Variants in NEO1 observed in about 807,000 individuals in gnomAD.
The protein encoded by NEO1 is neogenin.
In NEO1, 63 loss-of-function variants were observed where a neutral mutation model predicts 159.7. The ratio of observed to expected loss-of-function variants is 0.39; its 90% CI spans 0.32 to 0.49. The LOEUF (loss-of-function observed/expected upper bound fraction) is 0.49, where lower values mean the gene tolerates loss of function less well. Ranked by LOEUF, NEO1 falls within the 20% of genes least tolerant of loss-of-function variation. The pLI is 0.85. For synonymous variants in NEO1, 633 were observed against 662.0 expected, an observed-to-expected ratio of 0.96 and a Z score of 0.67; for missense variants, 1,615 against 1,831.0, an observed-to-expected ratio of 0.88 and a Z score of 2.15.
Position 73,065,758 on chromosome 15 carries a change from C to T in NEO1, c.130+12953C>T, listed in dbSNP as rs977517436. 2.0e-5 allele frequency among the ~76,000 whole-genome samples: 3 copies of T among 152,202 alleles called. No homozygotes were observed. The South Asian group carries it at 6.2e-4, about 32-fold the overall frequency. ...TCACTTTCATCACTTTTGGAGAGTT[C>T]TTGGCTTGGCTGTTAATCCCTTCAA... is the stretch of plus-strand genomic sequence containing the variant. On this transcript the variant is annotated intron_variant, in intron 1 of 28. Coordinates refer to ENST00000261908, the MANE Select transcript of NEO1 (RefSeq NM_002499.4).
intron 1 of NEO1, among the ~76,000 whole-genome samples, chr15:73,057,061 A>G (rs952626452): frequency 1.3e-5 from 2 of 152,200 alleles, no homozygotes; most frequent in African/African-American, 4.8e-5. Context: ...GCAACTTCAC[A>G]TACATCTGTA....
intron 1 of NEO1, among the ~76,000 whole-genome samples, chr15:73,060,818 T>C (rs2067940316): frequency 6.8e-6 from 1 of 147,528 alleles, no homozygotes; most frequent in African/African-American, 2.4e-5. Flanking sequence ...AGCTAATTTT[T>C]TTGGGTATTT....
chr15:73,284,706 C>T (rs185991521), intron 23 of NEO1, among the ~76,000 whole-genome samples: 273 of 152,044 alleles, frequency 1.8e-3, no homozygotes, highest in Non-Finnish European at 3.4e-3. Context: ...CTGCCTCAGG[C>T]TCCCAAGTAG....
At chr15:73,232,272 C>G (rs1027082523) in intron 7 of NEO1, among the ~76,000 whole-genome samples, 15 of 152,114 alleles carry the variant, frequency 9.9e-5, no homozygotes, top group African/African-American at 3.6e-4. Context: ...GGTGTGCAAC[C>G]ACAGATGTTT....
At chr15:73,253,798 T>C (rs969752570) in intron 12 of NEO1, among the ~76,000 whole-genome samples, 2 of 152,256 alleles carry the variant, frequency 1.3e-5, no homozygotes, top group Admixed American at 6.5e-5. Flanking sequence ...ATGTTAACTG[T>C]TCAGAACCTT....
chr15:73,080,978 T>A (rs1567150157), intron 1 of NEO1, among the ~76,000 whole-genome samples: 1 of 152,252 alleles, frequency 6.6e-6, no homozygotes, highest in Non-Finnish European at 1.5e-5. Flanking sequence ...TAATACATTT[T>A]AAGAATTTTA....
intron 25 of NEO1, among the ~76,000 whole-genome samples, chr15:73,290,817 A>G (rs894703403): frequency 2.6e-5 from 4 of 152,166 alleles, no homozygotes; most frequent in Non-Finnish European, 5.9e-5. Flanking sequence ...AGCCATGAAT[A>G]TCATACATGC....
At chr15:73,119,686 C>T (rs903818988) in intron 2 of NEO1, among the ~76,000 whole-genome samples, 2 of 152,158 alleles carry the variant, frequency 1.3e-5, no homozygotes, top group African/African-American at 4.8e-5. Flanking sequence ...CGTTCCCTGC[C>T]TTGTTATGTC....
intron 11 of NEO1, 45 bp downstream of exon 11, chr15:73,249,766 C>T (rs1262961443): frequency 2.6e-6 from 4 of 1,563,272 alleles, no homozygotes; most frequent in Non-Finnish European, 3.4e-6. Context: ...CTTGGTGCCC[C>T]TAGTGGTTTA....
Position 73,279,899 on chromosome 15 carries a change from A to G in NEO1, c.3262+1700A>G, listed in dbSNP as rs548240861. On this transcript the variant is annotated intron_variant, in intron 22 of 28. Transcript: ENST00000261908. ...CTGCTCTCTCCAGGAGTCACACTGC[A>G]TAGAGAAAGGATAGAGATTGAGTTG... Among the ~76,000 whole-genome samples the G allele has an allele frequency of 3.9e-5, 6 of 152,332 alleles. No homozygotes were observed. In the South Asian group the frequency reaches 1.2e-3, roughly 32 times the overall value.
At chr15:73,055,929 T>C (rs1405278452) in intron 1 of NEO1, among the ~76,000 whole-genome samples, 6 of 152,220 alleles carry the variant, frequency 3.9e-5, no homozygotes, top group African/African-American at 1.4e-4. Flanking sequence ...AATCGGTATC[T>C]TTTCATCTTC....
intron 5 of NEO1, among the ~76,000 whole-genome samples, chr15:73,153,575 T>A: frequency 6.6e-6 from 1 of 152,230 alleles, no homozygotes; most frequent in East Asian, 1.9e-4. Flanking sequence ...AAAAATAATG[T>A]AAGCAAGTTA....
intron 1 of NEO1, among the ~76,000 whole-genome samples, chr15:73,054,886 AT>A (rs1003715335): frequency 6.6e-6 from 1 of 152,086 alleles, no homozygotes; most frequent in African/African-American, 2.4e-5. Flanking sequence ...CAGTAGTTTT[AT>A]TTTTTTTATT....
intron 24 of NEO1, among the ~76,000 whole-genome samples, chr15:73,288,761 C>T (rs1248196939): frequency 6.6e-6 from 1 of 152,106 alleles, no homozygotes; most frequent in East Asian, 1.9e-4. Flanking sequence ...GACAATCTTG[C>T]AGATCTTTTA....
chr15:73,225,192 G>C lies in NEO1; in HGVS notation c.1292-11155G>C, dbSNP rs573690531. Among the ~76,000 whole-genome samples, 16 of 152,266 alleles carry C rather than the reference G, an allele frequency of 1.1e-4. No homozygotes were observed. In the South Asian group the frequency reaches 3.3e-3, roughly 32 times the overall value. Reference sequence around the variant, plus strand: ...TTCTCAGCTGCGGATACCAGCACCTGTTCCAGTGGAGGTGGCAGGGGGGTG... The same window carrying C: ...TTCTCAGCTGCGGATACCAGCACCTCTTCCAGTGGAGGTGGCAGGGGGGTG... On this transcript the variant is annotated intron_variant, in intron 7 of 28. Transcript: ENST00000261908.
chr15:73,071,551 A>G (rs2068533326), intron 1 of NEO1, among the ~76,000 whole-genome samples: 1 of 152,098 alleles, frequency 6.6e-6, no homozygotes, highest in Non-Finnish European at 1.5e-5. Flanking sequence ...TTTTTGAGAC[A>G]GAGTCTCACT....
rs767612324 is a variant in NEO1, at chr15:73,278,113, T to C, written c.3194-18T>C. Reference sequence around the variant, plus strand: ...CAAATGTGTGGGGTCATTATTGACATGATTTCTTCTCCTTTAGCCTCAGGG... The same window carrying C: ...CAAATGTGTGGGGTCATTATTGACACGATTTCTTCTCCTTTAGCCTCAGGG... On this transcript the variant is annotated intron_variant, in intron 21 of 28. Coordinates refer to ENST00000261908, the MANE Select transcript of NEO1 (RefSeq NM_002499.4). 6.2e-7 allele frequency: 1 copy of C among 1,606,484 alleles called. No individual in the cohort carries two copies. Among genetic ancestry groups the C allele is most frequent in the Non-Finnish European group, 8.5e-7 (1 of 1,174,450 alleles).
chr15:73,136,884 C>A (rs2031820860), intron 5 of NEO1, among the ~76,000 whole-genome samples: 1 of 152,062 alleles, frequency 6.6e-6, no homozygotes, highest in Admixed American at 6.5e-5. Flanking sequence ...TAGCTTTCAA[C>A]CTAGGAAGAC....
At chr15:73,238,386 G>T (rs949917539) in intron 8 of NEO1, among the ~76,000 whole-genome samples, 1 of 142,384 alleles carries the variant, frequency 7.0e-6, no homozygotes, top group Non-Finnish European at 1.5e-5. Flanking sequence ...TCCAGCACCT[G>T]GAACAGAGCC....
Sources: allele counts gnomAD v4.1 joint callset (sites outside exome capture counted in the v4.1 genomes callset), GRCh38; gene constraint gnomAD v4.1.1; transcripts MANE v1.5; gene names NCBI Gene and HGNC (gene_info 2026-07-23, HGNC 2026-07-21).